STPG2: variants seen among roughly 807,000 people sequenced by gnomAD.
The protein encoded by STPG2 is sperm tail PG-rich repeat containing 2.
In STPG2, 56 loss-of-function variants were observed where a neutral mutation model predicts 54.2. The ratio of observed to expected loss-of-function variants is 1.03; its 90% CI spans 0.83 to 1.29. STPG2 has a LOEUF of 1.29. STPG2 is among the 50% of genes most tolerant of loss of function. STPG2 has a pLI of 0.00. For missense variants in STPG2, 596 were observed against 544.9 expected, an observed-to-expected ratio of 1.09 and a Z score of -0.93; for synonymous variants, 200 against 181.8, an observed-to-expected ratio of 1.10 and a Z score of -0.81.
chr4:97,506,019 CAAAAAAAAAAAAAAA>C (rs59206485), intron 4 of STPG2, among the ~76,000 whole-genome samples: 8 of 16,922 alleles, frequency 4.7e-4, no homozygotes, highest in Non-Finnish European at 7.5e-4. Flanking sequence ...AATAGGAGAC[CAAAAAAAAAAAAAAA>C]AAAAAAAAAA....
intron 2 of STPG2, among the ~76,000 whole-genome samples, chr4:98,132,244 G>C (rs1025728096): frequency 6.6e-6 from 1 of 151,812 alleles, no homozygotes; most frequent in Non-Finnish European, 1.5e-5. Flanking sequence ...CTATAGATTT[G>C]CTAGGAGCAA....
rs570874007 is a variant in STPG2 at position 97,623,621 on chromosome 4, A to C, written c.1321-64504T>G. Among the ~76,000 whole-genome samples the C allele has an allele frequency of 3.3e-5, 5 of 152,192 alleles. No individual in the cohort carries two copies. In the South Asian group the frequency reaches 8.3e-4, roughly 25 times the overall value. On this transcript the variant is annotated intron_variant, in intron 10 of 10. Coordinates refer to ENST00000295268, the MANE Select transcript of STPG2 (RefSeq NM_174952.3). ...AGCGCTGGAGAGGTAGTGGAGAAAA[A>C]ATTTTTAAAAAATTTCACTTTATTT...
intron 5 of STPG2, among the ~76,000 whole-genome samples, chr4:98,088,672 GA>G (rs61146705): frequency 0.54 from 67,245 of 125,340 alleles, 16,835 homozygotes; most frequent in Middle Eastern, 0.6. Flanking sequence ...TCCTTTAGGG[GA>G]AAAAAAAAAA....
chr4:97,690,806 A>G (rs1003940624), intron 10 of STPG2, among the ~76,000 whole-genome samples: 1 of 152,224 alleles, frequency 6.6e-6, no homozygotes, highest in Non-Finnish European at 1.5e-5. Flanking sequence ...AAAGGCAAAT[A>G]GCAAAACTTG....
intron 10 of STPG2, among the ~76,000 whole-genome samples, chr4:97,583,397 A>C: frequency 6.6e-6 from 1 of 152,040 alleles, no homozygotes; most frequent in Admixed American, 6.6e-5. Context: ...AGCCATTAAC[A>C]GAAATTGAAT....
intron 4 of STPG2, among the ~76,000 whole-genome samples, chr4:97,505,534 C>T (rs1301855003): frequency 6.6e-6 from 1 of 151,864 alleles, no homozygotes; most frequent in Non-Finnish European, 1.5e-5. Flanking sequence ...TGGATGCATG[C>T]TGGAGAATGC....
At chr4:97,566,745 A>C (rs1279157845) in intron 10 of STPG2, among the ~76,000 whole-genome samples, 1 of 151,904 alleles carries the variant, frequency 6.6e-6, no homozygotes, top group Non-Finnish European at 1.5e-5. Context: ...ACATGGATGA[A>C]ATTGGAAATC....
intron 10 of STPG2, among the ~76,000 whole-genome samples, chr4:97,582,989 T>C (rs992129030): frequency 6.6e-6 from 1 of 152,036 alleles, no homozygotes; most frequent in Non-Finnish European, 1.5e-5. Flanking sequence ...GAAATGTATT[T>C]TTTTGCAGAA....
At chr4:97,905,184 A>G (rs1731355459) in intron 8 of STPG2, among the ~76,000 whole-genome samples, 1 of 151,654 alleles carries the variant, frequency 6.6e-6, no homozygotes, top group Non-Finnish European at 1.5e-5. Context: ...ATGAAGGAAA[A>G]AATGTTAAGG....
At chr4:97,619,618 A>G (rs1733959529) in intron 10 of STPG2, among the ~76,000 whole-genome samples, 1 of 150,090 alleles carries the variant, frequency 6.7e-6, no homozygotes, top group Non-Finnish European at 1.5e-5. Context: ...TCTTTTTCCT[A>G]ACACACAAAA....
intron 10 of STPG2, among the ~76,000 whole-genome samples, chr4:97,606,367 C>A (rs1404719593): frequency 1.3e-5 from 2 of 151,860 alleles, no homozygotes; most frequent in East Asian, 3.9e-4. Flanking sequence ...GGCCTGCTGT[C>A]CTGTGAATAC....
At chr4:97,870,657 A>C (rs541979897) in intron 8 of STPG2, among the ~76,000 whole-genome samples, 1 of 151,538 alleles carries the variant, frequency 6.6e-6, no homozygotes, top group East Asian at 1.9e-4. Context: ...ATAATGTATC[A>C]TTGACAATTA....
At chr4:98,060,488 T>C (rs1210813372) in intron 5 of STPG2, among the ~76,000 whole-genome samples, 1 of 152,182 alleles carries the variant, frequency 6.6e-6, no homozygotes, top group Non-Finnish European at 1.5e-5. Flanking sequence ...ATGGCCATAC[T>C]GCCCAAAGCA....
At chr4:97,500,993 G>GT (rs1170964138) in intron 4 of STPG2, among the ~76,000 whole-genome samples, 2 of 152,048 alleles carry the variant, frequency 1.3e-5, no homozygotes, top group Admixed American at 1.3e-4. Flanking sequence ...ACTATGGCAT[G>GT]TAAGAACCTG....
chr4:97,736,581 C>A (rs574942061), intron 9 of STPG2, among the ~76,000 whole-genome samples: 1 of 152,160 alleles, frequency 6.6e-6, no homozygotes, highest in African/African-American at 2.4e-5. Flanking sequence ...TCAGAGGGTC[C>A]TATGCCCACG....
At chr4:97,503,169 T>A (rs929357528) in intron 4 of STPG2, among the ~76,000 whole-genome samples, 1 of 152,000 alleles carries the variant, frequency 6.6e-6, no homozygotes, top group African/African-American at 2.4e-5. Context: ...TTAGAATGGC[T>A]CATACTGGCT....
At chr4:97,621,937 T>C (rs1276823981) in intron 10 of STPG2, among the ~76,000 whole-genome samples, 3 of 152,186 alleles carry the variant, frequency 2.0e-5, no homozygotes, top group African/African-American at 7.2e-5. Context: ...CCATATCAAG[T>C]AGGCTTTATC....
intron 8 of STPG2, chr4:97,917,122 A>G (rs1731909466): frequency 6.6e-6 from 1 of 152,648 alleles, no homozygotes; most frequent in Non-Finnish European, 1.5e-5. Flanking sequence ...TCTGTCTCCA[A>G]TCCTGTCCCA....
rs529729408 is a variant in STPG2, at chr4:97,633,150, T to A, written c.1321-74033A>T. Among the ~76,000 whole-genome samples, 9 of 152,300 alleles carry A rather than the reference T, an allele frequency of 5.9e-5. No homozygotes were observed. In the East Asian group the frequency reaches 1.7e-3, roughly 29 times the overall value. ...TTAGTTTCTCTGCCATTTACATTCT[T>A]ATAATAATATAATAATTGAATTGAT... On this transcript the variant is annotated intron_variant, in intron 10 of 10. Coordinates refer to ENST00000295268, the MANE Select transcript of STPG2 (RefSeq NM_174952.3).
Sources: allele counts gnomAD v4.1 joint callset (sites outside exome capture counted in the v4.1 genomes callset), GRCh38; gene constraint gnomAD v4.1.1; transcripts MANE v1.5; gene names NCBI Gene and HGNC (gene_info 2026-07-23, HGNC 2026-07-21).